Variants in ACTR3C observed in about 807,000 individuals in gnomAD.
ACTR3C encodes the protein actin-related protein 3C.
A neutral mutation model predicts 26.3 loss-of-function variants in ACTR3C; 18 were observed. The ratio of observed to expected loss-of-function variants is 0.68; its 90% CI spans 0.47 to 1.01. The LOEUF is 1.01. ACTR3C is among the 50% of genes least tolerant of loss of function. The pLI is 0.00. For synonymous variants in ACTR3C, 55 were observed against 94.5 expected (o/e 0.58, Z 2.42); for missense variants, 184 against 250.7 (o/e 0.73, Z 1.80).
chr7:150,008,494 A>G, the ACTR3C span, among the ~76,000 whole-genome samples: 3 of 152,242 alleles, frequency 2.0e-5, no homozygotes, highest in African/African-American at 7.2e-5. Context: ...TTAAATATCC[A>G]CAGGTGGTTA....
the ACTR3C span, among the ~76,000 whole-genome samples, chr7:150,164,891 C>T: frequency 6.6e-6 from 1 of 152,114 alleles, no homozygotes; most frequent in South Asian, 2.1e-4. Flanking sequence ...GGGAGAATTC[C>T]CCACCAGTAG....
the ACTR3C span, among the ~76,000 whole-genome samples, chr7:150,196,083 T>C: frequency 1.3e-5 from 2 of 152,234 alleles, no homozygotes; most frequent in Admixed American, 6.5e-5. Flanking sequence ...TGCACTTATA[T>C]TGGCATTTAT....
At chr7:150,003,212 G>C in the ACTR3C span, 1 of 152,622 alleles carries the variant, frequency 6.6e-6, no homozygotes, top group Admixed American at 6.5e-5. Flanking sequence ...GTGTTTGTGT[G>C]TGTGGGTATG....
At chr7:150,152,653 T>C in the ACTR3C span, among the ~76,000 whole-genome samples, 2 of 152,220 alleles carry the variant, frequency 1.3e-5, no homozygotes, top group Non-Finnish European at 2.9e-5. Flanking sequence ...GCTGGCCTCA[T>C]AAGACGAGTT....
the ACTR3C span, among the ~76,000 whole-genome samples, chr7:150,138,365 G>A: frequency 1.3e-5 from 2 of 152,168 alleles, no homozygotes; most frequent in Non-Finnish European, 2.9e-5. Flanking sequence ...AAGGAAGAAG[G>A]AGCCACTAGC....
At chr7:150,219,901 G>A in the ACTR3C span, among the ~76,000 whole-genome samples, 3 of 144,896 alleles carry the variant, frequency 2.1e-5, no homozygotes, top group East Asian at 5.8e-4. Flanking sequence ...GCCTCCCAAC[G>A]CCGACCTCTT....
chr7:150,041,880 T>A, the ACTR3C span, among the ~76,000 whole-genome samples: 1 of 133,668 alleles, frequency 7.5e-6, no homozygotes, highest in African/African-American at 3.0e-5. Context: ...GAGGGTTGCC[T>A]CCCCCTCCTG....
At chr7:150,180,224 G>C in the ACTR3C span, among the ~76,000 whole-genome samples, 1 of 149,890 alleles carries the variant, frequency 6.7e-6, no homozygotes, top group African/African-American at 2.5e-5. Flanking sequence ...AGAATGGCGT[G>C]AACCCGGGAG....
At chr7:150,101,824 A>G in the ACTR3C span, among the ~76,000 whole-genome samples, 1 of 151,708 alleles carries the variant, frequency 6.6e-6, no homozygotes, top group South Asian at 2.1e-4. Flanking sequence ...TCAAAAGATC[A>G]CTACTTAGCA....
At chr7:149,943,966 G>A in the ACTR3C span, among the ~76,000 whole-genome samples, 36 of 142,614 alleles carry the variant, frequency 2.5e-4, no homozygotes, top group African/African-American at 1.0e-3. Context: ...GGGACTGTCA[G>A]GTAAAGAATG....
chr7:150,241,856 A>G (rs1832195268), downstream of ACTR3C, among the ~76,000 whole-genome samples: 1 of 152,172 alleles, frequency 6.6e-6, no homozygotes, highest in Non-Finnish European at 1.5e-5. Flanking sequence ...ATGAATGGCA[A>G]ATGAGCACAT....
chr7:149,912,277 A>G, the ACTR3C span, among the ~76,000 whole-genome samples: 4,098 of 152,054 alleles, frequency 0.027, 208 homozygotes, highest in African/African-American at 0.094. Context: ...CTACAAAAAC[A>G]GACTTGAGCA....
the ACTR3C span, among the ~76,000 whole-genome samples, chr7:150,229,922 C>T: frequency 5.6e-3 from 845 of 151,758 alleles, 5 homozygotes; most frequent in African/African-American, 0.02. Context: ...TTTTAAAATA[C>T]TTGGCAGAAT....
the ACTR3C span, among the ~76,000 whole-genome samples, chr7:150,149,381 C>T: frequency 2.6e-4 from 40 of 151,812 alleles, no homozygotes; most frequent in South Asian, 6.9e-3. Context: ...TTCTAGGGTT[C>T]GTGTGCACAA....
At chr7:150,224,981 G>T in the ACTR3C span, among the ~76,000 whole-genome samples, 2,077 of 151,124 alleles carry the variant, frequency 0.014, 48 homozygotes, top group African/African-American at 0.049. Flanking sequence ...GTGGCTCTGT[G>T]CACCTTTGGC....
the ACTR3C span, among the ~76,000 whole-genome samples, chr7:149,922,970 C>CTTTT: frequency 0.34 from 23,642 of 68,738 alleles, 7,027 homozygotes; most frequent in Non-Finnish European, 0.44. Flanking sequence ...AAATAAAAGG[C>CTTTT]TTTTTTTTTT....
At chr7:150,110,960 G>A in the ACTR3C span, among the ~76,000 whole-genome samples, 1 of 150,680 alleles carries the variant, frequency 6.6e-6, no homozygotes, top group African/African-American at 2.5e-5. Flanking sequence ...CTTGCATCTT[G>A]CAGGTGGGCA....
the ACTR3C span, among the ~76,000 whole-genome samples, chr7:150,071,290 A>T: frequency 2.3e-4 from 34 of 148,528 alleles, no homozygotes; most frequent in East Asian, 1.8e-3. Context: ...CGCCCAGCTA[A>T]TTTTTTTGTA....
At chr7:150,295,611 A>G (rs1473091255) in intron 1 of ACTR3C, among the ~76,000 whole-genome samples, 1 of 151,600 alleles carries the variant, frequency 6.6e-6, no homozygotes, top group South Asian at 2.1e-4. Context: ...AGAAACTCTT[A>G]TCTTCAATAA....
Sources: gnomAD v4.1 joint callset for allele counts (sites outside exome capture counted in the v4.1 genomes callset) on GRCh38, gnomAD v4.1.1 for gene constraint, MANE v1.5 for transcripts, NCBI Gene and HGNC (gene_info 2026-07-23, HGNC 2026-07-21) for gene names.